NUP153: variants seen among roughly 807,000 people sequenced by gnomAD.
NUP153 encodes the protein nuclear pore complex protein Nup153.
A neutral mutation model predicts 134.6 loss-of-function variants in NUP153; 27 were observed. The ratio of observed to expected loss-of-function variants is 0.20; its 90% CI spans 0.15 to 0.28. The LOEUF is 0.28. Among genes scored for constraint, NUP153 ranks in the 10% least tolerant of loss-of-function variants. The pLI is 1.00. For missense variants in NUP153, 1,821 were observed against 1,731.3 expected (o/e 1.05, Z -0.92); for synonymous variants, 640 against 623.5 (o/e 1.03, Z -0.40).
At chr6:17,637,895 C>T in intron 15 of NUP153, 125 bp from the exon 16 acceptor site, 1 of 1,053,840 alleles carries the variant, frequency 9.5e-7, no homozygotes, top group Non-Finnish European at 1.3e-6. Flanking sequence ...AGATGAACTA[C>T]TTAAGAATTG....
In NUP153 at chr6:17,624,844, A is replaced by C. The variant is rs775451650; in HGVS notation, c.3902-11T>G. 1 of 1,573,990 alleles carries C rather than the reference A, an allele frequency of 6.4e-7. No homozygotes were observed. The highest frequency in any genetic ancestry group is 8.6e-7 in the Non-Finnish European group (1 of 1,158,052). ...ATACAAAGGAGGATCCTGGAGGCCC[A>C]AAGAAACACTTAAGTCACCATGGTG... is the stretch of plus-strand genomic sequence containing the variant. On this transcript the variant is annotated splice_polypyrimidine_tract_variant and intron_variant, in intron 19 of 21. Transcript: ENST00000262077.
At chr6:17,681,062 T>C (rs898755553) in intron 2 of NUP153, among the ~76,000 whole-genome samples, 11 of 150,918 alleles carry the variant, frequency 7.3e-5, no homozygotes, top group African/African-American at 9.8e-5. Context: ...GTGCTACATA[T>C]ACACAATGGA....
rs1764346411 is a variant in NUP153, at chr6:17,616,644, T to C, written c.4226A>G (p.Asn1409Ser). 2 of 1,613,960 alleles carry C rather than the reference T, an allele frequency of 1.2e-6. No individual in the cohort carries two copies. The highest frequency in any genetic ancestry group is 1.7e-6 in the Non-Finnish European group (2 of 1,179,862). The change falls in exon 21 of 22, where the codon AAC becomes AGC. Residue 1409 changes from asparagine to serine, a missense_variant. Coordinates refer to ENST00000262077, the MANE Select transcript of NUP153 (RefSeq NM_005124.4). ...SSTTNFNFTN[N>S]SPSGVFTFGA... The stretch of plus-strand genomic sequence containing the variant: ...AAATGTGAACACTCCTGATGGACTG[T>C]TGTTTGTGAAGTTGAAATTTGTAGT...
At chr6:17,644,396 T>C (rs748049019) in intron 14 of NUP153, among the ~76,000 whole-genome samples, 4 of 152,172 alleles carry the variant, frequency 2.6e-5, no homozygotes, top group Non-Finnish European at 5.9e-5. Context: ...ATCTCCCTAA[T>C]GCAGTCAGAA....
intron 17 of NUP153, among the ~76,000 whole-genome samples, chr6:17,629,778 G>A (rs561997642): frequency 2.0e-5 from 3 of 152,286 alleles, no homozygotes; most frequent in South Asian, 2.1e-4. Context: ...GACTGGCTGC[G>A]ATAAAGTTTG....
chr6:17,678,352 C>CAAAAAAAAAAAAAAAAAAAAAAAAAAAA (rs11428582), intron 2 of NUP153, among the ~76,000 whole-genome samples: 7 of 68,224 alleles, frequency 1.0e-4, no homozygotes, highest in Non-Finnish European at 1.4e-4. Flanking sequence ...CCCTCTGTCT[C>CAAAAAAAAAAAAAAAAAAAAAAAAAAAA]AAAAAAAAAA....
intron 2 of NUP153, 68 bp downstream of exon 2, chr6:17,688,328 A>G (rs1769066412): frequency 1.7e-6 from 2 of 1,149,184 alleles, no homozygotes; most frequent in Non-Finnish European, 2.6e-6. Flanking sequence ...TACCATAACT[A>G]GGTAGTGTCT....
At chr6:17,688,715 G>C in intron 1 of NUP153, 97 bp from the exon 2 acceptor site, 2 of 906,898 alleles carry the variant, frequency 2.2e-6, no homozygotes, top group Middle Eastern at 3.2e-4. Flanking sequence ...AAACACAATG[G>C]TGTCCAACAA....
At chr6:17,704,285 C>A (rs949240913) in intron 1 of NUP153, among the ~76,000 whole-genome samples, 4 of 143,474 alleles carry the variant, frequency 2.8e-5, no homozygotes, top group African/African-American at 1.0e-4. Context: ...GAGCGAGACT[C>A]CGTCTCAAAA....
Position 17,675,360 on chromosome 6 carries a change from C to G in NUP153, c.592G>C (p.Val198Leu), listed in dbSNP as rs773482563. 26 of 1,613,558 alleles carry G rather than the reference C, an allele frequency of 1.6e-5. No individual in the cohort carries two copies. Among genetic ancestry groups the G allele is most frequent in the Non-Finnish European group, 2.2e-5 (26 of 1,179,812 alleles). ...GGTGGCAATGAAGTGTTCTTTGAAA[C>G]AGTTATATCTGAAACAAAATTACAT... ...SSRASDKDIT[V>L]SKNTSLPPLW... The change falls in exon 4 of 22, where the codon GTT becomes CTT. Residue 198 changes from valine to leucine, a missense_variant. Val to Leu is a conservative substitution (Grantham distance 32, BLOSUM62 1). Transcript: ENST00000262077. This position sits in a 1 kb window ranked among gnomAD's most constrained non-coding sequence, Gnocchi z 4.4.
intron 1 of NUP153, among the ~76,000 whole-genome samples, chr6:17,699,963 C>A (rs1239858368): frequency 6.6e-6 from 1 of 152,142 alleles, no homozygotes; most frequent in Non-Finnish European, 1.5e-5. Flanking sequence ...ACTTTTTTGT[C>A]ACTTATTAGA....
chr6:17,616,290 G>GA (rs397954885), intron 21 of NUP153, 109 bp from the exon 22 acceptor site: 1 of 473,898 alleles, frequency 2.1e-6, no homozygotes, highest in Non-Finnish European at 3.9e-6. Flanking sequence ...GGTGGGGGGG[G>GA]AGTAGACTCA....
At chr6:17,668,069 CTTTT>C (rs762142682) in intron 8 of NUP153, among the ~76,000 whole-genome samples, 19 of 87,218 alleles carry the variant, frequency 2.2e-4, no homozygotes, top group South Asian at 1.4e-3. Flanking sequence ...GTTTACTGAA[CTTTT>C]TTTTTTTTTT....
chr6:17,682,461 A>G (rs1768647389), intron 2 of NUP153, among the ~76,000 whole-genome samples: 1 of 152,208 alleles, frequency 6.6e-6, no homozygotes, highest in Non-Finnish European at 1.5e-5. Flanking sequence ...TCTCTGTGGC[A>G]TGCAATGTTT....
chr6:17,647,784 A>G (rs772165850), intron 13 of NUP153, 23 bp downstream of exon 13: 1 of 1,344,328 alleles, frequency 7.4e-7, no homozygotes, highest in East Asian at 2.3e-5. Context: ...GTAAATATAT[A>G]CTATTCCTTG....
rs181297502 is a variant in NUP153, at chr6:17,694,168, C to T, written c.112-5550G>A. ...AACATAAGCTCCAAGAAGGCAGGAA[C>T]TTGTTCACTGCTGTATCCTCTGTAT... On this transcript the variant is annotated intron_variant, in intron 1 of 21. Coordinates refer to ENST00000262077, the MANE Select transcript of NUP153 (RefSeq NM_005124.4). 5.7e-4 allele frequency among the ~76,000 whole-genome samples: 87 copies of T among 152,264 alleles called. 1 individual carries two copies. The highest frequency in any genetic ancestry group is 3.5e-3 in the Admixed American group (53 of 15,288).
At chr6:17,654,667 A>C (rs1766705596) in intron 11 of NUP153, among the ~76,000 whole-genome samples, 1 of 152,124 alleles carries the variant, frequency 6.6e-6, no homozygotes, top group Non-Finnish European at 1.5e-5. Flanking sequence ...CCAAATTTTG[A>C]CTTAGTAGAT....
At chr6:17,645,950 A>G (rs1766149398) in intron 14 of NUP153, 117 bp downstream of exon 14, 2 of 466,372 alleles carry the variant, frequency 4.3e-6, no homozygotes, top group Non-Finnish European at 7.8e-6. Context: ...TGCTTTTCAG[A>G]GCTAATTTCA....
chr6:17,649,287 G>A lies in NUP153; in HGVS notation c.1409C>T (p.Pro470Leu). 2 of 1,610,340 alleles carry A rather than the reference G, an allele frequency of 1.2e-6. No individual in the cohort carries two copies. The highest frequency in any genetic ancestry group is 1.7e-6 in the Non-Finnish European group (2 of 1,178,986). Residue 470 changes from proline to leucine, a missense_variant, in exon 12 of 22, where the codon CCA (proline) becomes CTA (leucine). Pro to Leu is a moderately conservative substitution (Grantham distance 98). Transcript: ENST00000262077. The stretch of plus-strand genomic sequence containing the variant: ...CGGTAGAGAGATTTTCGGTAATACT[G>A]GAACTTCCATTTCCTAAAACATAAC... ...KPLEEEEMEV[P>L]VLPKISLPIT... is the part of the protein sequence containing the mutation.
Sources: allele counts gnomAD v4.1 joint callset (sites outside exome capture counted in the v4.1 genomes callset), GRCh38; gene constraint gnomAD v4.1.1; non-coding constraint Gnocchi (gnomAD v3.1); transcripts MANE v1.5; gene names NCBI Gene and HGNC (gene_info 2026-07-23, HGNC 2026-07-21).